HDAC8: variants seen among roughly 807,000 people sequenced by gnomAD.
HDAC8 encodes histone deacetylase 8.
Under a neutral mutation model 32.2 loss-of-function variants are expected in HDAC8, and 1 was observed. The ratio of observed to expected loss-of-function variants is 0.03; its 90% confidence interval spans 0.01 to 0.15. The LOEUF (loss-of-function observed/expected upper bound fraction) is 0.15. Among genes scored for constraint, HDAC8 ranks in the 10% least tolerant of loss-of-function variants. The probability of loss-of-function intolerance (pLI) is 1.00; values close to 1 mark genes in which losing one functional copy is unlikely to be tolerated. For missense variants in HDAC8, 117 were observed against 300.0 expected (o/e 0.39, Z 4.51); for synonymous variants, 108 against 113.9 (o/e 0.95, Z 0.33).
intron 4 of HDAC8, among the ~76,000 whole-genome samples, chrX:72,560,534 C>T (rs1213941714): frequency 2.9e-4 from 28 of 95,467 alleles, no homozygotes; most frequent in African/African-American, 1.1e-3. Context: ...TCCCCCTCTC[C>T]GAGAAACACC....
intron 4 of HDAC8, among the ~76,000 whole-genome samples, chrX:72,524,410 G>C (rs1006550757): frequency 1.8e-5 from 2 of 111,705 alleles, no homozygotes; most frequent in Non-Finnish European, 3.8e-5. Flanking sequence ...TATACCCATG[G>C]CAGACATTGC....
intron 9 of HDAC8, among the ~76,000 whole-genome samples, chrX:72,420,619 T>A (rs1310897536): frequency 8.9e-6 from 1 of 111,987 alleles, no homozygotes; most frequent in East Asian, 2.8e-4. Flanking sequence ...TCTCTTCAAT[T>A]TTTTCAGCGT....
At chrX:72,497,885 T>C (rs1477744668) in intron 4 of HDAC8, among the ~76,000 whole-genome samples, 3 of 111,587 alleles carry the variant, frequency 2.7e-5, no homozygotes, top group African/African-American at 9.7e-5. Context: ...AATTACTACA[T>C]ATAATTTTGT....
chrX:72,483,734 A>C (rs782366197), intron 7 of HDAC8, among the ~76,000 whole-genome samples: 2 of 112,147 alleles, frequency 1.8e-5, no homozygotes, highest in South Asian at 3.8e-4. Context: ...CCTATGCCTA[A>C]AATACCACTG....
intron 4 of HDAC8, among the ~76,000 whole-genome samples, chrX:72,555,275 T>C (rs1042542976): frequency 8.9e-6 from 1 of 111,940 alleles, no homozygotes; most frequent in Non-Finnish European, 1.9e-5. Context: ...AGATCTTCCC[T>C]CAGATACAGT....
chrX:72,479,158 T>A (rs181722062), intron 7 of HDAC8, among the ~76,000 whole-genome samples: 1 of 111,666 alleles, frequency 9.0e-6, no homozygotes, highest in South Asian at 3.8e-4. Context: ...AGCTGCTAGG[T>A]GTATGGCAAT....
intron 9 of HDAC8, among the ~76,000 whole-genome samples, chrX:72,384,508 A>T (rs1260504796): frequency 9.0e-6 from 1 of 111,220 alleles, no homozygotes; most frequent in African/African-American, 3.3e-5. Flanking sequence ...TGGGGGGTAC[A>T]ACCAGCTGGT....
At chrX:72,480,145 T>C (rs2048453009) in intron 7 of HDAC8, among the ~76,000 whole-genome samples, 1 of 112,000 alleles carries the variant, frequency 8.9e-6, no homozygotes, top group South Asian at 3.8e-4. Context: ...TAAAAGTTTA[T>C]TAAATAGAAC....
At chrX:72,403,202 A>G (rs1481030936) in intron 9 of HDAC8, among the ~76,000 whole-genome samples, 2 of 111,528 alleles carry the variant, frequency 1.8e-5, no homozygotes, top group Non-Finnish European at 3.8e-5. Context: ...TTTGTTTTCT[A>G]TATGCCATAT....
chrX:72,420,657 G>A (rs1454942983), intron 9 of HDAC8, among the ~76,000 whole-genome samples: 1 of 111,640 alleles, frequency 9.0e-6, no homozygotes, highest in Non-Finnish European at 1.9e-5. Flanking sequence ...AGGCTCTGTT[G>A]TTTGGTGTAT....
chrX:72,558,133 G>T (rs1410178140), intron 4 of HDAC8, among the ~76,000 whole-genome samples: 1 of 111,705 alleles, frequency 9.0e-6, no homozygotes, highest in Non-Finnish European at 1.9e-5. Context: ...AGGACCAGAC[G>T]AATTCACAGT....
chrX:72,530,588 T>C (rs1464284256), intron 4 of HDAC8, among the ~76,000 whole-genome samples: 3 of 111,031 alleles, frequency 2.7e-5, no homozygotes, highest in Non-Finnish European at 5.7e-5. Flanking sequence ...GAAATATTTA[T>C]TGCTGATAAT....
At chrX:72,354,735 T>C (rs1555950062) in intron 9 of HDAC8, among the ~76,000 whole-genome samples, 1 of 111,591 alleles carries the variant, frequency 9.0e-6, no homozygotes, top group African/African-American at 3.3e-5. Flanking sequence ...CATGGATGAA[T>C]TATATAGTGG....
intron 9 of HDAC8, among the ~76,000 whole-genome samples, chrX:72,447,799 C>T (rs1289325410): frequency 9.0e-6 from 1 of 111,724 alleles, no homozygotes; most frequent in East Asian, 2.8e-4. Flanking sequence ...CAACAACAGA[C>T]AGAGAGCCAA....
At chrX:72,424,584 C>T (rs2147934225) in intron 9 of HDAC8, among the ~76,000 whole-genome samples, 1 of 111,771 alleles carries the variant, frequency 8.9e-6, no homozygotes, top group African/African-American at 3.2e-5. Context: ...TTTTTAAAAA[C>T]CATTTTAAAG....
At chrX:72,567,608 G>A in intron 4 of HDAC8, 2 of 562,610 alleles carry the variant, frequency 3.6e-6, no homozygotes, top group South Asian at 5.9e-5. Context: ...TCATTTTATT[G>A]ATGAAGAAAC....
chrX:72,553,796 G>C (rs1398125838), intron 4 of HDAC8, among the ~76,000 whole-genome samples: 1 of 112,112 alleles, frequency 8.9e-6, no homozygotes, highest in Non-Finnish European at 1.9e-5. Context: ...TGCAGATGCA[G>C]AACCTGCTGA....
At chrX:72,445,562 G>C (rs1283710618) in intron 9 of HDAC8, among the ~76,000 whole-genome samples, 5 of 111,931 alleles carry the variant, frequency 4.5e-5, no homozygotes, top group East Asian at 2.8e-4. Flanking sequence ...AAATGTTAGA[G>C]CTAAAACCAT....
chrX:72,559,878 A>G (rs1286746481), intron 4 of HDAC8, among the ~76,000 whole-genome samples: 1 of 107,112 alleles, frequency 9.3e-6, no homozygotes, highest in Non-Finnish European at 1.9e-5. Context: ...CCTGGCAGCC[A>G]CCCCGTCCGG....
Sources: allele counts gnomAD v4.1 joint callset (sites outside exome capture counted in the v4.1 genomes callset), GRCh38; gene constraint gnomAD v4.1.1; transcripts MANE v1.5; gene names NCBI Gene and HGNC (gene_info 2026-07-23, HGNC 2026-07-21).